NAALADL2: variants seen among roughly 807,000 people sequenced by gnomAD.
NAALADL2 encodes N-acetylated alpha-linked acidic dipeptidase like 2, also known as inactive N-acetylated-alpha-linked acidic dipeptidase-like protein 2.
A neutral mutation model predicts 87.2 loss-of-function variants in NAALADL2; 76 were observed. That is an observed-to-expected ratio of 0.87 (90% confidence interval 0.72 to 1.05). The LOEUF (loss-of-function observed/expected upper bound fraction) is 1.05, where lower values mean the gene tolerates loss of function less well. Ranked by LOEUF, NAALADL2 falls within the 50% of genes least tolerant of loss-of-function variation. NAALADL2 has a pLI of 0.00. For missense variants in NAALADL2, 1,089 were observed against 945.8 expected (o/e 1.15, Z -1.99); for synonymous variants, 354 against 331.0 (o/e 1.07, Z -0.75).
chr3:174,838,848 C>T (rs528533756), intron 3 of NAALADL2, among the ~76,000 whole-genome samples: 12 of 152,128 alleles, frequency 7.9e-5, no homozygotes, highest in African/African-American at 2.4e-4. Flanking sequence ...AAATCATAGA[C>T]GACACAAGCA....
chr3:175,011,272 CAGAGAGACAGAGAGAGAGAGAG>C (rs1749762203), intron 1 of NAALADL2, among the ~76,000 whole-genome samples: 4 of 110,374 alleles, frequency 3.6e-5, no homozygotes, highest in Admixed American at 1.9e-4. Flanking sequence ...GGGAGAGAGA[CAGAGAGACAGAGAGAGAGAGAG>C]AGAGAGAGAG....
chr3:175,567,121 G>A (rs907647690), intron 9 of NAALADL2, among the ~76,000 whole-genome samples: 1 of 152,140 alleles, frequency 6.6e-6, no homozygotes, highest in Admixed American at 6.5e-5. Flanking sequence ...TTACTTAGAT[G>A]CAACAGTTTG....
At chr3:175,100,557 G>T (rs1179421268) in intron 2 of NAALADL2, among the ~76,000 whole-genome samples, 1 of 152,156 alleles carries the variant, frequency 6.6e-6, no homozygotes, top group Non-Finnish European at 1.5e-5. Context: ...GCAAAAGAAG[G>T]CCAGGGGCAG....
At chr3:175,109,767 C>T (rs1723861112) in intron 2 of NAALADL2, among the ~76,000 whole-genome samples, 1 of 151,708 alleles carries the variant, frequency 6.6e-6, no homozygotes, top group Non-Finnish European at 1.5e-5. Flanking sequence ...TTGCAGAATG[C>T]CATAGAACTG....
rs376689176 is a variant in NAALADL2, at chr3:175,320,890, C to T, written c.940-3285C>T. Among the ~76,000 whole-genome samples, 6 of 137,146 alleles carry T rather than the reference C, an allele frequency of 4.4e-5. No individual in the cohort carries two copies. The South Asian group carries it at 6.5e-4, about 15-fold the overall frequency. 90.0% of individuals were successfully genotyped at this position (137,146 alleles called of 152,430 possible). On this transcript the variant is annotated intron_variant, in intron 4 of 13. Coordinates refer to ENST00000454872, the MANE Select transcript of NAALADL2 (RefSeq NM_207015.3). ...GTCCAGGACCAGATGGATTCACAGCCGAATTCTACCAGAGGTACAAGGAGG... is the reference window on the plus strand; with the variant it reads ...GTCCAGGACCAGATGGATTCACAGCTGAATTCTACCAGAGGTACAAGGAGG...
intron 5 of NAALADL2, among the ~76,000 whole-genome samples, chr3:175,345,869 G>A (rs1031543970): frequency 6.6e-6 from 1 of 152,128 alleles, no homozygotes. Context: ...GTGGATACCA[G>A]ACCCACTTTC....
chr3:174,738,122 A>G (rs1050283182), intron 3 of NAALADL2, among the ~76,000 whole-genome samples: 9 of 152,182 alleles, frequency 5.9e-5, no homozygotes, highest in Admixed American at 4.6e-4. Context: ...AATCACAACA[A>G]TGCAGTTGGT....
At chr3:174,645,758 G>C (rs1042968203) in intron 2 of NAALADL2, among the ~76,000 whole-genome samples, 4 of 152,124 alleles carry the variant, frequency 2.6e-5, no homozygotes, top group Admixed American at 2.0e-4. Context: ...TTTCAACCAT[G>C]TGTACTGTGA....
rs1730995980 is a variant in NAALADL2 at position 174,714,525 on chromosome 3, T to G, written c.-114-23116T>G. Among the ~76,000 whole-genome samples the G allele has an allele frequency of 6.6e-5, 10 of 152,182 alleles. 1 individual carries two copies. In the South Asian group the frequency reaches 2.1e-3, roughly 31 times the overall value. On this transcript the variant is annotated intron_variant, in intron 2 of 3. Coordinates refer to the NAALADL2 transcript ENST00000434257. The stretch of plus-strand genomic sequence containing the variant: ...TTGAAGAGGTCCTTCACATCCCTCA[T>G]AAGTTGGATTCCTAAGTATTTTCTT...
chr3:174,788,424 G>A (rs1717061394), intron 3 of NAALADL2, among the ~76,000 whole-genome samples: 1 of 152,148 alleles, frequency 6.6e-6, no homozygotes, highest in Non-Finnish European at 1.5e-5. Context: ...TCTCACAGTT[G>A]TGGAGGCTAG....
chr3:174,755,851 T>G (rs1213831361), intron 3 of NAALADL2, among the ~76,000 whole-genome samples: 2 of 152,258 alleles, frequency 1.3e-5, no homozygotes, highest in Non-Finnish European at 2.9e-5. Context: ...TGTCTATGAT[T>G]TCACTTGCTA....
At chr3:175,402,404 T>A (rs1770673801) in intron 5 of NAALADL2, among the ~76,000 whole-genome samples, 1 of 152,094 alleles carries the variant, frequency 6.6e-6, no homozygotes, top group African/African-American at 2.4e-5. Context: ...CCTTCAATCC[T>A]TTCTAAAATT....
intron 1 of NAALADL2, among the ~76,000 whole-genome samples, chr3:174,532,278 T>A (rs143497889): frequency 2.6e-5 from 4 of 152,006 alleles, no homozygotes; most frequent in Non-Finnish European, 5.9e-5. Context: ...TTTTTTAGAG[T>A]GTGAAGATCC....
At chr3:174,956,319 T>G (rs564183440) in intron 1 of NAALADL2, among the ~76,000 whole-genome samples, 1 of 152,082 alleles carries the variant, frequency 6.6e-6, no homozygotes, top group South Asian at 2.1e-4. Context: ...GTTGACAATT[T>G]GGTTTTTATT....
chr3:175,082,881 G>A (rs1358942361), intron 1 of NAALADL2, among the ~76,000 whole-genome samples: 1 of 152,174 alleles, frequency 6.6e-6, no homozygotes, highest in African/African-American at 2.4e-5. Flanking sequence ...TACACAGTCA[G>A]TCTTTATTGT....
intron 10 of NAALADL2, among the ~76,000 whole-genome samples, chr3:175,603,994 AAAAC>A (rs1723318185): frequency 6.6e-6 from 1 of 152,160 alleles, no homozygotes; most frequent in South Asian, 2.1e-4. Context: ...TCCTGAAAGA[AAAAC>A]AACAACAACA....
intron 1 of NAALADL2, among the ~76,000 whole-genome samples, chr3:175,011,992 A>G (rs765214820): frequency 4.4e-4 from 67 of 152,254 alleles, no homozygotes; most frequent in Middle Eastern, 3.4e-3. Flanking sequence ...CAAAAACCTA[A>G]TCTTTAGGAA....
At chr3:175,561,517 C>T (rs908082548) in intron 9 of NAALADL2, among the ~76,000 whole-genome samples, 1 of 152,116 alleles carries the variant, frequency 6.6e-6, no homozygotes, top group Non-Finnish European at 1.5e-5. Flanking sequence ...TGAAATATAA[C>T]AGCACATTTT....
chr3:175,301,764 G>T (rs1031558694), intron 4 of NAALADL2, among the ~76,000 whole-genome samples: 8 of 152,148 alleles, frequency 5.3e-5, no homozygotes, highest in Non-Finnish European at 1.2e-4. Flanking sequence ...TATCTCTAAA[G>T]TAACACCAGT....
Sources: gnomAD v4.1 joint callset for allele counts (sites outside exome capture counted in the v4.1 genomes callset) on GRCh38, gnomAD v4.1.1 for gene constraint, MANE v1.5 for transcripts, NCBI Gene and HGNC (gene_info 2026-07-23, HGNC 2026-07-21) for gene names.